The following PKD2L1 variants were observed in gnomAD, a reference collection of about 807,000 sequenced individuals.
The protein encoded by PKD2L1 is polycystin-2-like protein 1.
In PKD2L1, 77 loss-of-function variants were observed where a neutral mutation model predicts 93.0. The ratio of observed to expected loss-of-function variants is 0.83; its 90% CI spans 0.69 to 1.00. The LOEUF is 1.00. Ranked by LOEUF, PKD2L1 falls within the 50% of genes least tolerant of loss-of-function variation. PKD2L1 has a pLI of 0.00. For synonymous variants in PKD2L1, 390 were observed against 388.0 expected (o/e 1.01, Z -0.06); for missense variants, 977 against 990.9 (o/e 0.99, Z 0.19).
chr10:100,290,803 T>C (rs768958938), intron 12 of PKD2L1, among the ~76,000 whole-genome samples: 149 of 152,228 alleles, frequency 9.8e-4, no homozygotes, highest in Non-Finnish European at 1.8e-3. Flanking sequence ...ACACTACCAG[T>C]GTTCTTGGCA....
intron 2 of PKD2L1, among the ~76,000 whole-genome samples, chr10:100,312,598 A>T (rs1479175337): frequency 1.3e-5 from 2 of 152,160 alleles, no homozygotes; most frequent in South Asian, 4.1e-4. Context: ...TACCTAGAAG[A>T]CTGGAGATAG....
At position 100,329,916 on chromosome 10, in the gene PKD2L1, C is replaced by T. The variant is rs1849466977; in HGVS notation, c.188G>A (p.Arg63Lys). 1.2e-6 allele frequency: 2 copies of T among 1,613,824 alleles called. No individual in the cohort carries two copies. The highest frequency in any genetic ancestry group is 8.5e-7 in the Non-Finnish European group (1 of 1,179,850). Residue 63 changes from arginine to lysine, a missense_variant, in exon 1 of 16, where the codon AGG (arginine) becomes AAG (lysine). By Grantham distance (26) the Arg-to-Lys change is conservative. Transcript: ENST00000318222. ...PEDEPQETAY[R>K]TQVSSCCLHI... ...GAGGCAGCAGCTGGACACCTGGGTC[C>T]TGTATGCCGTCTCCTGGGGTTCATC...
At chr10:100,295,144 C>T in intron 7 of PKD2L1, 21 bp from the exon 8 acceptor site, 4 of 1,603,464 alleles carry the variant, frequency 2.5e-6, no homozygotes, top group Non-Finnish European at 3.4e-6. Flanking sequence ...CATGTTGAAC[C>T]AAGGGATGAA....
At chr10:100,310,604 G>A (rs140468314) in intron 2 of PKD2L1, among the ~76,000 whole-genome samples, 180 of 151,590 alleles carry the variant, frequency 1.2e-3, no homozygotes, top group African/African-American at 4.0e-3. Flanking sequence ...AGGCACACAC[G>A]CACACACACA....
intron 9 of PKD2L1, 125 bp from the exon 10 acceptor site, chr10:100,293,504 C>T (rs1218502459): frequency 2.0e-5 from 13 of 660,512 alleles, no homozygotes; most frequent in Non-Finnish European, 3.6e-5. Flanking sequence ...CCCAGTTCGG[C>T]AGCCCATCAA....
At position 100,288,336 on chromosome 10, in the gene PKD2L1, C is replaced by A. The variant is rs905886465; in HGVS notation, c.*60G>T. The A allele has an allele frequency of 9.2e-7, 1 of 1,087,478 alleles. No homozygotes were observed. Among genetic ancestry groups the A allele is most frequent in the East Asian group, 2.4e-5 (1 of 42,418 alleles). The allele number at this position is 1,087,478 out of a possible 1,614,324, so 67.4% of individuals were successfully genotyped here. A position where few individuals can be genotyped will look rare whatever the true frequency, so the allele number is the denominator to read the frequency against. ...CCACTCAGTTTCCAGGTTCAGTGGACCAGGAGGCAGCCTCTTGCAGAAGAT... is the reference window on the plus strand; with the variant it reads ...CCACTCAGTTTCCAGGTTCAGTGGAACAGGAGGCAGCCTCTTGCAGAAGAT... On this transcript the variant is annotated 3_prime_UTR_variant, in exon 16 of 16. Coordinates refer to ENST00000318222, the MANE Select transcript of PKD2L1 (RefSeq NM_016112.3).
At chr10:100,325,568 T>A (rs1332549511) in intron 2 of PKD2L1, among the ~76,000 whole-genome samples, 3 of 152,182 alleles carry the variant, frequency 2.0e-5, no homozygotes, top group Non-Finnish European at 4.4e-5. Flanking sequence ...ACTTTGTGGG[T>A]GCGGACTTTA....
intron 2 of PKD2L1, among the ~76,000 whole-genome samples, chr10:100,327,801 C>T (rs1475140529): frequency 6.6e-6 from 1 of 152,232 alleles, no homozygotes; most frequent in Non-Finnish European, 1.5e-5. Flanking sequence ...TGTCCTTTCA[C>T]TCCCTGCAGA....
At chr10:100,296,448 T>G (rs7921569) in intron 6 of PKD2L1, among the ~76,000 whole-genome samples, 156 bp from the exon 7 acceptor site, 8,032 of 152,148 alleles carry the variant, frequency 0.053, 710 homozygotes, top group African/African-American at 0.18. Context: ...AAATGGAACT[T>G]GGTAGGATGA....
intron 4 of PKD2L1, among the ~76,000 whole-genome samples, chr10:100,297,992 T>TC (rs1162439148): frequency 1.3e-5 from 2 of 152,012 alleles, no homozygotes; most frequent in African/African-American, 4.8e-5. Flanking sequence ...CCTTGAATAG[T>TC]CCCCCTAAGG....
chr10:100,314,630 G>A (rs1461310200), intron 2 of PKD2L1, among the ~76,000 whole-genome samples: 2 of 152,068 alleles, frequency 1.3e-5, no homozygotes, highest in Non-Finnish European at 2.9e-5. Context: ...CACAATCAGC[G>A]GACGTTCCAC....
At chr10:100,323,667 GTTTC>G (rs1257866000) in intron 2 of PKD2L1, among the ~76,000 whole-genome samples, 2 of 152,090 alleles carry the variant, frequency 1.3e-5, no homozygotes, top group African/African-American at 4.8e-5. Context: ...CATCTCAAAT[GTTTC>G]TTTGTGTTGA....
At chr10:100,303,216 G>A (rs1229931343) in intron 2 of PKD2L1, among the ~76,000 whole-genome samples, 1 of 118,208 alleles carries the variant, frequency 8.5e-6, no homozygotes, top group South Asian at 2.6e-4. Context: ...TTTTTGAGAC[G>A]GAGTTTCACT....
At chr10:100,288,866 T>G (rs1848339183) in intron 15 of PKD2L1, 106 bp downstream of exon 15, 2 of 672,754 alleles carry the variant, frequency 3.0e-6, no homozygotes, top group Non-Finnish European at 5.0e-6. Context: ...GCAGCAGCCA[T>G]GATGGGACCT....
chr10:100,309,663 C>T (rs569824952), intron 2 of PKD2L1, among the ~76,000 whole-genome samples: 8 of 152,304 alleles, frequency 5.3e-5, no homozygotes, highest in African/African-American at 1.7e-4. Context: ...GCACAATTTA[C>T]AGGTTCAGGG....
intron 2 of PKD2L1, among the ~76,000 whole-genome samples, chr10:100,325,898 T>G (rs1180301814): frequency 1.3e-5 from 2 of 152,126 alleles, no homozygotes; most frequent in Non-Finnish European, 2.9e-5. Flanking sequence ...TGTCCAAGGA[T>G]AAGAGAGGTT....
intron 2 of PKD2L1, among the ~76,000 whole-genome samples, chr10:100,328,938 A>G (rs185635991): frequency 1.1e-3 from 175 of 152,348 alleles, no homozygotes; most frequent in African/African-American, 4.0e-3. Flanking sequence ...TTTTCAGCCA[A>G]TAGAAAACAA....
In PKD2L1 at chr10:100,298,673, T is replaced by C. The variant is rs199708899; in HGVS notation, c.620A>G (p.Asn207Ser). The C allele has an allele frequency of 2.5e-6, 4 of 1,614,170 alleles. No individual in the cohort carries two copies. The highest frequency in any genetic ancestry group is 1.7e-5 in the Admixed American group (1 of 60,014). Residue 207 changes from asparagine (N) to serine (S), a missense_variant, in exon 4 of 16, where the codon AAT (asparagine) becomes AGT (serine). By Grantham distance (46) the Asn-to-Ser change is conservative. Transcript: ENST00000318222. ...GTCTTCATGCACCACACAGGAGTCA[T>C]TGCGGACCTTTAGCTGCCGCAGCCT... ...VPRLRQLKVRNDSCVVHEDFR... is the reference protein window; with the variant it reads ...VPRLRQLKVRSDSCVVHEDFR...
intron 2 of PKD2L1, among the ~76,000 whole-genome samples, chr10:100,302,693 C>CAAA (rs35577057): frequency 1.5e-5 from 2 of 135,450 alleles, no homozygotes; most frequent in African/African-American, 5.3e-5. Flanking sequence ...CTCTGTCCCC[C>CAAA]AAAAAAAAAA....
Sources: allele counts gnomAD v4.1 joint callset (sites outside exome capture counted in the v4.1 genomes callset), GRCh38; gene constraint gnomAD v4.1.1; transcripts MANE v1.5; gene names NCBI Gene and HGNC (gene_info 2026-07-23, HGNC 2026-07-21).